RNF150: variants seen among roughly 807,000 people sequenced by gnomAD.
RNF150 encodes ring finger protein 150.
In RNF150, 24 loss-of-function variants were observed where a neutral mutation model predicts 39.3. That is an observed-to-expected ratio of 0.61 (90% CI 0.44 to 0.86). The LOEUF (loss-of-function observed/expected upper bound fraction) is 0.86, where lower values mean the gene tolerates loss of function less well. Among genes scored for constraint, RNF150 ranks in the 40% least tolerant of loss-of-function variants. The pLI, the probability that RNF150 is intolerant of heterozygous loss-of-function variation, is 0.00. For missense variants in RNF150, 502 were observed against 587.8 expected (o/e 0.85, Z 1.51); for synonymous variants, 255 against 227.3 (o/e 1.12, Z -1.10).
rs114126689 is a variant in RNF150 at position 140,902,644 on chromosome 4, T to A, written c.1198+8500A>T. Among the ~76,000 whole-genome samples, 773 of 152,350 alleles carry A rather than the reference T, an allele frequency of 5.1e-3. 12 individuals carry two copies. The highest frequency in any genetic ancestry group is 0.017 in the African/African-American group (701 of 41,578). On this transcript the variant is annotated intron_variant, in intron 6 of 6. Transcript: ENST00000515673. ...GCATAATATTTTGGCTTAAATAACA[T>A]GCTATCATAGCTATTATTGTTAAAA... is the stretch of plus-strand genomic sequence containing the variant.
At chr4:141,073,561 A>G (rs1737783737) in intron 1 of RNF150, among the ~76,000 whole-genome samples, 2 of 152,044 alleles carry the variant, frequency 1.3e-5, no homozygotes, top group Non-Finnish European at 2.9e-5. Flanking sequence ...GTCATTCGCT[A>G]TTACTTACTA....
chr4:141,005,094 T>C (rs537567750), intron 1 of RNF150, among the ~76,000 whole-genome samples: 23 of 152,140 alleles, frequency 1.5e-4, no homozygotes, highest in African/African-American at 5.3e-4. Context: ...AGGGAGCGGT[T>C]GTTGTCAAGT....
intron 1 of RNF150, among the ~76,000 whole-genome samples, chr4:141,102,933 A>T (rs2111040501): frequency 6.6e-6 from 1 of 152,272 alleles, no homozygotes; most frequent in Admixed American, 6.5e-5. Context: ...GTGGTAATGG[A>T]TGCCACAGCT....
In RNF150 at chr4:141,027,912, G is replaced by GTTTTTTGTTTTTTTTTTTTTTTTTTTTT. The variant is rs1560696593; in HGVS notation, c.485-60040_485-60039insAAAAAAAAAAAAAAAAAAAAACAAAAAA. On this transcript the variant is annotated intron_variant, in intron 1 of 6. Transcript: ENST00000515673. The stretch of plus-strand genomic sequence containing the variant: ...TAGATAGTTAATGAGCTTGGAATTT[G>GTTTTTTGTTTTTTTTTTTTTTTTTTTTT]TTTTTTTTTTTTTGTTTTTTTTTTT... Among the ~76,000 whole-genome samples, 12 of 27,102 alleles carry GTTTTTTGTTTTTTTTTTTTTTTTTTTTT rather than the reference G, an allele frequency of 4.4e-4. 5 individuals are homozygous for GTTTTTTGTTTTTTTTTTTTTTTTTTTTT. The highest frequency in any genetic ancestry group is 6.9e-4 in the Non-Finnish European group (8 of 11,596). The allele number at this position is 27,102 out of a possible 152,430, so 17.8% of individuals were successfully genotyped here.
chr4:141,112,109 T>C (rs1739402548), intron 1 of RNF150, among the ~76,000 whole-genome samples: 1 of 152,226 alleles, frequency 6.6e-6, no homozygotes, highest in South Asian at 2.1e-4. Flanking sequence ...AATTATACTA[T>C]GAAAACTATA....
intron 2 of RNF150, among the ~76,000 whole-genome samples, chr4:140,966,201 G>T (rs370434356): frequency 1.4e-4 from 22 of 152,122 alleles, no homozygotes; most frequent in African/African-American, 4.8e-4. Context: ...TTAGCCAGGT[G>T]TGGTGGTGTA....
intron 1 of RNF150, among the ~76,000 whole-genome samples, chr4:141,154,727 G>T (rs73849852): frequency 1.3e-5 from 2 of 152,096 alleles, no homozygotes; most frequent in Admixed American, 6.5e-5. Context: ...TAAAGAAATC[G>T]TATCATGAGA....
rs865978096 is a variant in RNF150, at chr4:141,114,519, C to A, written c.484+17806G>T. Among the ~76,000 whole-genome samples, 3 of 152,120 alleles carry A rather than the reference C, an allele frequency of 2.0e-5. No individual in the cohort carries two copies. In the South Asian group the frequency reaches 6.2e-4, roughly 32 times the overall value. On this transcript the variant is annotated intron_variant, in intron 1 of 6. Transcript: ENST00000515673. Reference sequence around the variant, plus strand: ...AATTGAGGCAGTAATTAATGGCCTACCAACCAAAAAAATCCCAGGACCAGA... The same window carrying A: ...AATTGAGGCAGTAATTAATGGCCTAACAACCAAAAAAATCCCAGGACCAGA...
chr4:141,039,773 T>C (rs1736288585), intron 1 of RNF150, among the ~76,000 whole-genome samples: 2 of 152,144 alleles, frequency 1.3e-5, no homozygotes, highest in African/African-American at 2.4e-5. Flanking sequence ...GGGCTGATGA[T>C]TTCCCCAGAG....
chr4:140,982,701 T>C (rs757369810), intron 1 of RNF150, among the ~76,000 whole-genome samples: 1 of 152,076 alleles, frequency 6.6e-6, no homozygotes, highest in Non-Finnish European at 1.5e-5. Flanking sequence ...TTTATTAAAA[T>C]AACAATGAAC....
chr4:141,159,842 CCTGT>C (rs1269341605), intron 1 of RNF150, among the ~76,000 whole-genome samples: 3 of 152,234 alleles, frequency 2.0e-5, no homozygotes, highest in Admixed American at 6.5e-5. Flanking sequence ...CTGCGCCCAG[CCTGT>C]CTTTCTTCTT....
intron 5 of RNF150, among the ~76,000 whole-genome samples, chr4:140,924,543 A>G (rs1321972634): frequency 1.3e-5 from 2 of 152,160 alleles, no homozygotes; most frequent in Non-Finnish European, 2.9e-5. Context: ...CATTGTGAGA[A>G]CTGTCAGGAT....
chr4:141,026,544 C>T (rs28542690), intron 1 of RNF150, among the ~76,000 whole-genome samples: 96,732 of 151,984 alleles, frequency 0.64, 32,195 homozygotes, highest in Non-Finnish European at 0.75. Context: ...CAAAGCATTT[C>T]TTCTGCTTTC....
chr4:141,123,782 A>G (rs1418025683), intron 1 of RNF150, among the ~76,000 whole-genome samples: 2 of 151,992 alleles, frequency 1.3e-5, no homozygotes, highest in African/African-American at 2.4e-5. Flanking sequence ...ATTCCCACCT[A>G]TGAGTGAGAA....
At chr4:141,084,624 C>T (rs967315598) in intron 1 of RNF150, among the ~76,000 whole-genome samples, 2 of 152,200 alleles carry the variant, frequency 1.3e-5, no homozygotes, top group African/African-American at 4.8e-5. Flanking sequence ...AGCAGAGAAG[C>T]ATCTCACAGA....
Position 141,191,866 on chromosome 4 carries a change from T to A in RNF150, c.-6+20928A>T, listed in dbSNP as rs539538400. ...GCTCCTGATGCCTAACACCAGCATA[T>A]CCTGGTCCATTTCTTACTCAGCTTG... is the stretch of plus-strand genomic sequence containing the variant. On this transcript the variant is annotated intron_variant, in intron 1 of 7. Coordinates refer to the RNF150 transcript ENST00000420921. Among the ~76,000 whole-genome samples the A allele has an allele frequency of 6.6e-5, 10 of 152,264 alleles. No individual in the cohort carries two copies. In the South Asian group the frequency reaches 1.9e-3, roughly 28 times the overall value.
intron 1 of RNF150, among the ~76,000 whole-genome samples, chr4:141,043,699 T>C (rs1352256848): frequency 6.6e-6 from 1 of 152,102 alleles, no homozygotes; most frequent in Non-Finnish European, 1.5e-5. Context: ...GTAGGTCAAT[T>C]GGGTGGGATG....
chr4:141,078,010 T>C (rs920486128), intron 1 of RNF150, among the ~76,000 whole-genome samples: 1 of 152,258 alleles, frequency 6.6e-6, no homozygotes, highest in African/African-American at 2.4e-5. Flanking sequence ...CTCTGAGATT[T>C]TGACCTGGAA....
chr4:141,163,092 C>T (rs908285276), intron 1 of RNF150, among the ~76,000 whole-genome samples: 3 of 152,154 alleles, frequency 2.0e-5, no homozygotes, highest in African/African-American at 2.4e-5. Flanking sequence ...CTGAAGTTGA[C>T]CTGGGATGCT....
Sources: allele counts gnomAD v4.1 joint callset (sites outside exome capture counted in the v4.1 genomes callset), GRCh38; gene constraint gnomAD v4.1.1; transcripts MANE v1.5; gene names NCBI Gene and HGNC (gene_info 2026-07-23, HGNC 2026-07-21).